The following CAMSAP1 variants were observed in gnomAD, a reference collection of about 807,000 sequenced individuals.
CAMSAP1 encodes calmodulin regulated spectrin associated protein 1.
CAMSAP1 carries 58 observed loss-of-function variants against 143.5 expected under a neutral mutation model. The ratio of observed to expected loss-of-function variants is 0.40; its 90% CI spans 0.33 to 0.50. The LOEUF is 0.50. CAMSAP1 is among the 20% of genes least tolerant of loss of function. The pLI is 0.45. For synonymous variants in CAMSAP1, 945 were observed against 859.3 expected, an observed-to-expected ratio of 1.10 and a Z score of -1.74; for missense variants, 1,969 against 2,115.7, an observed-to-expected ratio of 0.93 and a Z score of 1.36.
rs551078488 is a variant in CAMSAP1 at position 135,834,114 on chromosome 9, C to A, written c.1046-6530G>T. On this transcript the variant is annotated intron_variant, in intron 7 of 16. Coordinates refer to ENST00000389532, the MANE Select transcript of CAMSAP1 (RefSeq NM_015447.4). ...AAATCAAAACCACAATAAGGCATCA[C>A]ACACCTGTCAGGATGGCTATTATCA... Among the ~76,000 whole-genome samples, 3 of 152,264 alleles carry A rather than the reference C, an allele frequency of 2.0e-5. No individual in the cohort carries two copies. The South Asian group carries it at 6.2e-4, about 32-fold the overall frequency.
intron 14 of CAMSAP1, among the ~76,000 whole-genome samples, chr9:135,816,688 C>G (rs1418805907): frequency 1.3e-5 from 2 of 152,144 alleles, no homozygotes; most frequent in Non-Finnish European, 2.9e-5. Context: ...AACAAGGAGC[C>G]ATGAGACGGG....
intron 3 of CAMSAP1, among the ~76,000 whole-genome samples, chr9:135,880,881 T>C (rs1837924760): frequency 6.6e-6 from 1 of 152,182 alleles, no homozygotes; most frequent in Non-Finnish European, 1.5e-5. Flanking sequence ...AAAGTAAACA[T>C]TCTTTACATA....
chr9:135,907,052 G>A lies in CAMSAP1; in HGVS notation c.108C>T (p.Arg36=). The change falls in exon 1 of 17, where the codon CGC becomes CGT. Residue 36 remains arginine (R), a synonymous_variant. Transcript: ENST00000389532. ...ACTGCAGGTTGGCGGCGATCTTGGC[G>A]CGCGCCGCGTCGTAGCGGTCCAGGG... The part of the protein sequence containing the change: ...LVPLDRYDAA[R]AKIAANLQWI... 1 of 1,208,940 alleles carries A rather than the reference G, an allele frequency of 8.3e-7. No individual in the cohort carries two copies. The highest frequency in any genetic ancestry group is 1.0e-6 in the Non-Finnish European group (1 of 960,426). The allele number at this position is 1,208,940 out of a possible 1,614,324, so 74.9% of individuals were successfully genotyped here.
intron 5 of CAMSAP1, among the ~76,000 whole-genome samples, chr9:135,853,734 G>A (rs188848421): frequency 7.9e-5 from 12 of 152,308 alleles, no homozygotes; most frequent in Admixed American, 2.6e-4. Flanking sequence ...CCCTGGCTAC[G>A]GCTCCCACTA....
intron 7 of CAMSAP1, among the ~76,000 whole-genome samples, chr9:135,846,682 CAA>C (rs752714756): frequency 2.4e-4 from 13 of 53,712 alleles, no homozygotes; most frequent in Non-Finnish European, 4.7e-4. Context: ...ACAAATTTAC[CAA>C]AAAAAAAAAA....
chr9:135,872,072 C>A (rs2130958077), intron 3 of CAMSAP1, among the ~76,000 whole-genome samples: 2 of 151,946 alleles, frequency 1.3e-5, no homozygotes, highest in South Asian at 4.2e-4. Flanking sequence ...TGCACTCCAA[C>A]CTGGGTAACA....
At chr9:135,873,975 A>C (rs1837650278) in intron 3 of CAMSAP1, among the ~76,000 whole-genome samples, 1 of 152,220 alleles carries the variant, frequency 6.6e-6, no homozygotes, top group Non-Finnish European at 1.5e-5. Flanking sequence ...CATCAACAAT[A>C]TATTAGCAAA....
intron 15 of CAMSAP1, 92 bp downstream of exon 15, chr9:135,815,798 T>C: frequency 9.3e-7 from 1 of 1,071,126 alleles, no homozygotes; most frequent in Non-Finnish European, 1.4e-6. Flanking sequence ...AAAATACTTT[T>C]TAGACCAAAA....
rs1015068665 is a variant in CAMSAP1, at chr9:135,907,543, G to T, written c.-384C>A. On this transcript the variant is annotated 5_prime_UTR_variant, in exon 1 of 17. Coordinates refer to ENST00000389532, the MANE Select transcript of CAMSAP1 (RefSeq NM_015447.4). ...GGCGGTGGCCAAGGAGCGGGAGCGC[G>T]CTCACCGCCGGGGCCTCGCACAGGC... 6.7e-6 allele frequency among the ~76,000 whole-genome samples: 1 copy of T among 149,962 alleles called. No homozygotes were observed. Among genetic ancestry groups the T allele is most frequent in the Non-Finnish European group, 1.5e-5 (1 of 66,992 alleles).
chr9:135,812,152 A>C (rs1564412032), intron 16 of CAMSAP1, among the ~76,000 whole-genome samples: 2 of 152,218 alleles, frequency 1.3e-5, no homozygotes, highest in Admixed American at 1.3e-4. Flanking sequence ...GCATATAAAT[A>C]ACAGCACTAT....
intron 1 of CAMSAP1, among the ~76,000 whole-genome samples, chr9:135,885,907 G>C (rs969799025): frequency 5.3e-5 from 8 of 152,226 alleles, no homozygotes; most frequent in Admixed American, 4.6e-4. Flanking sequence ...CTGGGTGACA[G>C]TGGCCACACT....
At chr9:135,838,201 A>G (rs62584823) in intron 7 of CAMSAP1, among the ~76,000 whole-genome samples, 18,082 of 140,412 alleles carry the variant, frequency 0.13, 1,040 homozygotes, top group Non-Finnish European at 0.16. Flanking sequence ...GTCATCACAC[A>G]CTTTCCACCC....
At position 135,822,208 on chromosome 9, in the gene CAMSAP1, G is replaced by A. The variant is rs143916904; in HGVS notation, c.2453C>T (p.Ala818Val). ...GTTGAGTCTCTGGAGCTTCCTCTCC[G>A]CAAAGCTGGTCATCTTCACGCTCCC... ...ASGSVKMTSF[A>V]ERKLQRLNSC... Residue 818 changes from alanine (A) to valine (V), a missense_variant, in exon 11 of 17, where the codon GCG (alanine) becomes GTG (valine). Coordinates refer to ENST00000389532, the MANE Select transcript of CAMSAP1 (RefSeq NM_015447.4). This position sits in a 1 kb window ranked among gnomAD's most constrained non-coding sequence, Gnocchi z 6.1. The A allele has an allele frequency of 2.2e-5, 36 of 1,613,808 alleles. No homozygotes were observed. In the Middle Eastern group the frequency reaches 4.9e-4, roughly 22 times the overall value.
intron 7 of CAMSAP1, among the ~76,000 whole-genome samples, chr9:135,840,341 T>G (rs1836294913): frequency 6.6e-6 from 1 of 152,152 alleles, no homozygotes; most frequent in African/African-American, 2.4e-5. Context: ...CAGAGTGAAC[T>G]GAAGCTTAGC....
chr9:135,888,261 T>C (rs1280823978), intron 1 of CAMSAP1, among the ~76,000 whole-genome samples: 1 of 152,234 alleles, frequency 6.6e-6, no homozygotes, highest in Non-Finnish European at 1.5e-5. Context: ...TGTTATTCCT[T>C]CCGTCGCTAT....
chr9:135,867,949 T>C (rs1047980629), intron 3 of CAMSAP1, among the ~76,000 whole-genome samples: 1 of 152,084 alleles, frequency 6.6e-6, no homozygotes, highest in African/African-American at 2.4e-5. Flanking sequence ...AAGACAACGG[T>C]TGAAAGTCAG....
chr9:135,818,155 C>G lies in CAMSAP1; in HGVS notation c.4169-76G>C. The G allele has an allele frequency of 6.9e-7, 1 of 1,441,108 alleles. No homozygotes were observed. Among genetic ancestry groups the G allele is most frequent in the East Asian group, 2.4e-5 (1 of 41,978 alleles). The allele number at this position is 1,441,108 out of a possible 1,614,324, so 89.3% of individuals were successfully genotyped here. ...AGTACCTGTCCCCTGTACCTGTTCC[C>G]CTCACCTCGCCCTGCAGAGCTCGGC... On this transcript the variant is annotated intron_variant, in intron 13 of 16. Coordinates refer to ENST00000389532, the MANE Select transcript of CAMSAP1 (RefSeq NM_015447.4). This position sits in a 1 kb window ranked among gnomAD's most constrained non-coding sequence, Gnocchi z 7.7.
In CAMSAP1 at chr9:135,882,685, G is replaced by A. The variant is rs1158091092; in HGVS notation, c.423+131C>T. The A allele has an allele frequency of 8.7e-6, 9 of 1,029,400 alleles. No individual in the cohort carries two copies. The highest frequency in any genetic ancestry group is 1.4e-6 in the Non-Finnish European group (1 of 725,572). The allele number at this position is 1,029,400 out of a possible 1,614,324, so 63.8% of individuals were successfully genotyped here. A position where few individuals can be genotyped will look rare whatever the true frequency, so the allele number is the denominator to read the frequency against. On this transcript the variant is annotated intron_variant, in intron 2 of 16. Coordinates refer to ENST00000389532, the MANE Select transcript of CAMSAP1 (RefSeq NM_015447.4). The surrounding 1 kb of genome is among the most constrained non-coding windows in gnomAD (Gnocchi z 4.9). ...ATATGCAGTTTCCTAAGGAACGCCA[G>A]TGTGCAAAAGCACGGGTCTCCACCA...
intron 7 of CAMSAP1, among the ~76,000 whole-genome samples, chr9:135,849,368 G>GA (rs1302113326): frequency 6.6e-6 from 1 of 152,208 alleles, no homozygotes; most frequent in Non-Finnish European, 1.5e-5. Flanking sequence ...CGGTGAAGCT[G>GA]AAAAATCTTA....
Sources: gnomAD v4.1 joint callset for allele counts (sites outside exome capture counted in the v4.1 genomes callset) on GRCh38, gnomAD v4.1.1 for gene constraint, Gnocchi (gnomAD v3.1) non-coding constraint, MANE v1.5 for transcripts, NCBI Gene and HGNC (gene_info 2026-07-23, HGNC 2026-07-21) for gene names.